GRID2: variants seen among roughly 807,000 people sequenced by gnomAD.
The protein encoded by GRID2 is glutamate receptor ionotropic, delta-2.
GRID2 carries 33 observed loss-of-function variants against 114.8 expected under a neutral mutation model. That is an observed-to-expected ratio of 0.29 (90% CI 0.22 to 0.38). GRID2 has a LOEUF of 0.38. Among genes scored for constraint, GRID2 ranks in the 10% least tolerant of loss-of-function variants. The pLI is 1.00. For missense variants in GRID2, 1,184 were observed against 1,257.7 expected, an observed-to-expected ratio of 0.94 and a Z score of 0.89; for synonymous variants, 505 against 449.9, an observed-to-expected ratio of 1.12 and a Z score of -1.55.
intron 14 of GRID2, among the ~76,000 whole-genome samples, chr4:93,710,262 C>T (rs1404844037): frequency 6.6e-6 from 1 of 152,170 alleles, no homozygotes; most frequent in South Asian, 2.1e-4. Flanking sequence ...TTTAAATCTT[C>T]GGTCAATGCA....
chr4:92,999,169 A>G (rs919161879), intron 2 of GRID2, among the ~76,000 whole-genome samples: 1 of 151,898 alleles, frequency 6.6e-6, no homozygotes, highest in Non-Finnish European at 1.5e-5. Flanking sequence ...ATCATCCTTA[A>G]TTCTTAGCCT....
At chr4:92,602,213 AAAAAG>A (rs1272517534) in intron 2 of GRID2, among the ~76,000 whole-genome samples, 59 of 151,588 alleles carry the variant, frequency 3.9e-4, no homozygotes, top group South Asian at 1.0e-3. Context: ...TAAAAAAAAA[AAAAAG>A]AAAAGAAAAG....
intron 11 of GRID2, among the ~76,000 whole-genome samples, chr4:93,482,523 G>A (rs555992201): frequency 3.9e-5 from 6 of 151,928 alleles, no homozygotes; most frequent in African/African-American, 4.8e-5. Flanking sequence ...ATCACACAGC[G>A]GGGCGTGTCG....
chr4:93,431,846 C>T (rs755084141), intron 10 of GRID2, among the ~76,000 whole-genome samples: 3 of 151,926 alleles, frequency 2.0e-5, no homozygotes, highest in Non-Finnish European at 2.9e-5. Flanking sequence ...GGATAAATAT[C>T]CTGGAACAGA....
intron 13 of GRID2, among the ~76,000 whole-genome samples, chr4:93,588,551 C>A (rs147791933): frequency 6.6e-6 from 1 of 152,104 alleles, no homozygotes; most frequent in Non-Finnish European, 1.5e-5. Flanking sequence ...TGCATCAAAT[C>A]TCAGTATTAT....
intron 1 of GRID2, among the ~76,000 whole-genome samples, chr4:92,474,732 A>T (rs1722211514): frequency 6.6e-6 from 1 of 151,406 alleles, no homozygotes; most frequent in African/African-American, 2.4e-5. Context: ...GTAGTTTTGG[A>T]TTTGCTTTTC....
intron 1 of GRID2, among the ~76,000 whole-genome samples, chr4:93,793,388 T>C (rs1734734680): frequency 6.6e-6 from 1 of 152,166 alleles, no homozygotes; most frequent in South Asian, 2.1e-4. Flanking sequence ...CGTAGAAACA[T>C]TGATCTATAG....
intron 13 of GRID2, among the ~76,000 whole-genome samples, chr4:93,517,185 C>T (rs931789236): frequency 6.6e-6 from 1 of 151,900 alleles, no homozygotes; most frequent in Admixed American, 6.6e-5. Context: ...GAGCCATAAA[C>T]CTTTCTCATA....
At chr4:93,169,183 CAA>C (rs1491444056) in intron 4 of GRID2, among the ~76,000 whole-genome samples, 11 of 145,314 alleles carry the variant, frequency 7.6e-5, no homozygotes, top group Non-Finnish European at 1.7e-4. Context: ...CACACACACA[CAA>C]ACTTAAAATA....
At chr4:92,574,083 T>A (rs912941319) in intron 1 of GRID2, among the ~76,000 whole-genome samples, 5 of 152,132 alleles carry the variant, frequency 3.3e-5, no homozygotes, top group Non-Finnish European at 5.9e-5. Flanking sequence ...CTTTTGTTCT[T>A]TGTTGGTTTA....
At chr4:92,397,375 T>TGC (rs1560606039) in intron 1 of GRID2, among the ~76,000 whole-genome samples, 1 of 150,678 alleles carries the variant, frequency 6.6e-6, no homozygotes, top group African/African-American at 2.4e-5. Context: ...TGTGTGTGTG[T>TGC]GTGTGTGTGT....
At chr4:92,671,896 G>T (rs1423466753) in intron 2 of GRID2, among the ~76,000 whole-genome samples, 2 of 151,868 alleles carry the variant, frequency 1.3e-5, no homozygotes, top group Non-Finnish European at 2.9e-5. Context: ...ACCTTTCCTT[G>T]AATGTATCAA....
chr4:92,614,720 G>A (rs185783678), intron 2 of GRID2, among the ~76,000 whole-genome samples: 2 of 151,536 alleles, frequency 1.3e-5, no homozygotes, highest in Non-Finnish European at 3.0e-5. Flanking sequence ...GGTCAAATTT[G>A]TTGATAGACT....
rs367775862 is a variant in GRID2 at position 92,648,527 on chromosome 4, G to C, written c.244+58241G>C. ...TCGAGCATGGCTGTTAATGCTGGGG[G>C]TTGAAAGAAACAGCCGTTTCTCCCT... On this transcript the variant is annotated intron_variant, in intron 2 of 15. Coordinates refer to ENST00000282020, the MANE Select transcript of GRID2 (RefSeq NM_001510.4). Among the ~76,000 whole-genome samples, 14 of 149,650 alleles carry C rather than the reference G, an allele frequency of 9.4e-5. No homozygotes were observed. The East Asian group carries it at 1.8e-3, about 19-fold the overall frequency.
At chr4:93,628,684 G>A (rs1742956776) in intron 14 of GRID2, among the ~76,000 whole-genome samples, 1 of 151,838 alleles carries the variant, frequency 6.6e-6, no homozygotes, top group African/African-American at 2.4e-5. Flanking sequence ...GTTGAGAAAA[G>A]GATTATTGAT....
rs541907521 is a variant in GRID2, at chr4:93,229,900, G to T, written c.1125+5125G>T. 8.5e-5 allele frequency among the ~76,000 whole-genome samples: 13 copies of T among 152,078 alleles called. No individual in the cohort carries two copies. The South Asian group carries it at 1.9e-3, about 22-fold the overall frequency. On this transcript the variant is annotated intron_variant, in intron 7 of 15. Coordinates refer to ENST00000282020, the MANE Select transcript of GRID2 (RefSeq NM_001510.4). ...ATTTTCATTCTTTTTTTAAAAATTA[G>T]CAGTTAATGCTTGCCTGTTTATTCC...
At chr4:92,769,231 ATT>A (rs1469102171) in intron 2 of GRID2, among the ~76,000 whole-genome samples, 3 of 152,168 alleles carry the variant, frequency 2.0e-5, no homozygotes, top group Non-Finnish European at 4.4e-5. Context: ...AAGTGCCAAA[ATT>A]ATCTCTTTTG....
At chr4:92,859,653 A>T (rs973153103) in intron 2 of GRID2, among the ~76,000 whole-genome samples, 2 of 152,194 alleles carry the variant, frequency 1.3e-5, no homozygotes, top group Non-Finnish European at 2.9e-5. Context: ...AGACAATCAT[A>T]CACAAATAAG....
At chr4:93,411,597 G>C (rs1446696730) in intron 9 of GRID2, among the ~76,000 whole-genome samples, 1 of 151,904 alleles carries the variant, frequency 6.6e-6, no homozygotes, top group African/African-American at 2.4e-5. Flanking sequence ...ACTACACCTG[G>C]CTAATTTTTG....
Sources: gnomAD v4.1 joint callset for allele counts (sites outside exome capture counted in the v4.1 genomes callset) on GRCh38, gnomAD v4.1.1 for gene constraint, MANE v1.5 for transcripts, NCBI Gene and HGNC (gene_info 2026-07-23, HGNC 2026-07-21) for gene names.